Variants in ANKS1B observed in about 807,000 individuals in gnomAD.
The protein encoded by ANKS1B is ankyrin repeat and sterile alpha motif domain containing 1B, also known as ankyrin repeat and sterile alpha motif domain-containing protein 1B.
Under a neutral mutation model 148.3 loss-of-function variants are expected in ANKS1B, and 36 were observed. The observed-to-expected ratio is 0.24, with a 90% CI of 0.19 to 0.32. The LOEUF is 0.32. Among genes scored for constraint, ANKS1B ranks in the 10% least tolerant of loss-of-function variants. ANKS1B has a pLI of 1.00. For missense variants in ANKS1B, 1,157 were observed against 1,542.6 expected, an observed-to-expected ratio of 0.75 and a Z score of 4.19; for synonymous variants, 542 against 560.8, an observed-to-expected ratio of 0.97 and a Z score of 0.47.
chr12:99,065,919 G>A (rs993723563), intron 16 of ANKS1B, among the ~76,000 whole-genome samples: 1 of 152,166 alleles, frequency 6.6e-6, no homozygotes, highest in African/African-American at 2.4e-5. Flanking sequence ...GCAGTGGGGG[G>A]ATCGGAAGTA....
intron 1 of ANKS1B, among the ~76,000 whole-genome samples, chr12:99,921,716 T>A (rs2094357999): frequency 6.6e-6 from 1 of 152,122 alleles, no homozygotes; most frequent in East Asian, 1.9e-4. Flanking sequence ...CTGGAGAAGA[T>A]GACATAAACA....
downstream of ANKS1B, among the ~76,000 whole-genome samples, chr12:98,739,141 C>T (rs539261179): frequency 9.2e-5 from 14 of 152,332 alleles, no homozygotes; most frequent in East Asian, 1.2e-3. Context: ...TTCTGGTCCA[C>T]GGCCTTCTGT....
chr12:99,219,274 T>C (rs1009603150), intron 14 of ANKS1B, among the ~76,000 whole-genome samples: 1 of 152,198 alleles, frequency 6.6e-6, no homozygotes, highest in African/African-American at 2.4e-5. Context: ...CCCTTTGACA[T>C]GTAAATCTTC....
chr12:98,901,884 T>A (rs2099772615), intron 17 of ANKS1B, among the ~76,000 whole-genome samples: 3 of 152,146 alleles, frequency 2.0e-5, no homozygotes, highest in African/African-American at 7.2e-5. Context: ...AAGGCTTTTT[T>A]TTGCCATTAA....
At position 98,994,941 on chromosome 12, in the gene ANKS1B, TCA is replaced by T. The variant is rs1292232591; in HGVS notation, c.2778+58214_2778+58215del. 5.3e-3 allele frequency among the ~76,000 whole-genome samples: 806 copies of T among 152,270 alleles called. 1 individual carries two copies. The highest frequency in any genetic ancestry group is 7.4e-3 in the Non-Finnish European group (500 of 68,026). On this transcript the variant is annotated intron_variant, in intron 17 of 26. Transcript: ENST00000683438. Reference sequence around the variant, plus strand: ...TTTATGTATTGTTGGAGGATAAAATTCAACCATAACGCTTGTGTAAATTGTGA... The same window carrying T: ...TTTATGTATTGTTGGAGGATAAAATTACCATAACGCTTGTGTAAATTGTGA...
intron 10 of ANKS1B, among the ~76,000 whole-genome samples, chr12:99,481,886 T>C (rs1260480029): frequency 6.6e-6 from 1 of 151,974 alleles, no homozygotes; most frequent in African/African-American, 2.4e-5. Flanking sequence ...GGGTTTTTTG[T>C]TTTTTGTTTT....
intron 1 of ANKS1B, among the ~76,000 whole-genome samples, chr12:99,887,949 T>C (rs1019595332): frequency 1.3e-5 from 2 of 152,174 alleles, no homozygotes; most frequent in African/African-American, 4.8e-5. Flanking sequence ...GACACAAGTA[T>C]GACCTGTCTG....
At chr12:99,083,237 G>A (rs565241668) in intron 16 of ANKS1B, among the ~76,000 whole-genome samples, 1 of 152,304 alleles carries the variant, frequency 6.6e-6, no homozygotes, top group African/African-American at 2.4e-5. Flanking sequence ...TAGGGAGGGA[G>A]AAAGTATAGC....
intron 12 of ANKS1B, among the ~76,000 whole-genome samples, chr12:99,327,562 AT>A (rs2086722456): frequency 6.8e-6 from 1 of 146,800 alleles, no homozygotes; most frequent in Non-Finnish European, 1.5e-5. Flanking sequence ...TTGCTGATGT[AT>A]TTCTCAGGAC....
At chr12:99,593,343 C>G (rs2153260238) in intron 9 of ANKS1B, among the ~76,000 whole-genome samples, 1 of 152,140 alleles carries the variant, frequency 6.6e-6, no homozygotes, top group East Asian at 1.9e-4. Flanking sequence ...AGACCAAATA[C>G]AGATGACTGC....
intron 11 of ANKS1B, among the ~76,000 whole-genome samples, chr12:99,429,456 T>C (rs1456729903): frequency 6.6e-6 from 1 of 152,186 alleles, no homozygotes; most frequent in East Asian, 1.9e-4. Flanking sequence ...AAGAAAAGAC[T>C]GAAGAATTAT....
chr12:98,757,704 A>G (rs2098283882), intron 25 of ANKS1B, among the ~76,000 whole-genome samples: 1 of 152,192 alleles, frequency 6.6e-6, no homozygotes, highest in South Asian at 2.1e-4. Flanking sequence ...TTGGGCATAA[A>G]TTCAAACTCA....
chr12:99,830,846 A>C (rs1369944607), intron 1 of ANKS1B, among the ~76,000 whole-genome samples: 1 of 152,180 alleles, frequency 6.6e-6, no homozygotes, highest in East Asian at 1.9e-4. Flanking sequence ...CTCCTTAAAA[A>C]TATAAGTATG....
chr12:98,970,360 G>C (rs774360672), intron 17 of ANKS1B, among the ~76,000 whole-genome samples: 37 of 151,968 alleles, frequency 2.4e-4, no homozygotes, highest in Non-Finnish European at 5.3e-4. Flanking sequence ...AATTTACCTG[G>C]GCAATGGTAG....
intron 14 of ANKS1B, among the ~76,000 whole-genome samples, chr12:99,226,152 GAACT>G (rs1204590110): frequency 2.6e-5 from 4 of 152,152 alleles, no homozygotes; most frequent in South Asian, 4.1e-4. Context: ...TCCATTGAAA[GAACT>G]AACAATAGTA....
rs138652957 is a variant in ANKS1B, at chr12:99,035,392, A to C, written c.2778+17765T>G. 4.3e-3 allele frequency among the ~76,000 whole-genome samples: 656 copies of C among 152,298 alleles called. 6 individuals carry two copies. Among genetic ancestry groups the C allele is most frequent in the African/African-American group, 0.015 (626 of 41,572 alleles). On this transcript the variant is annotated intron_variant, in intron 17 of 26. Transcript: ENST00000683438. ...ATGCATGCTCAGGGGGGCCAAGAAG[A>C]ATCTAGACAGACAGGCCTTCCTGGC...
chr12:99,648,570 C>T (rs746794952), intron 9 of ANKS1B: 1 of 1,614,180 alleles, frequency 6.2e-7, no homozygotes, highest in South Asian at 1.1e-5. Context: ...CCATCCACAA[C>T]AGCGTAAAAA....
intron 17 of ANKS1B, among the ~76,000 whole-genome samples, chr12:98,948,768 C>A (rs2099849188): frequency 9.7e-6 from 1 of 103,560 alleles, no homozygotes; most frequent in East Asian, 2.8e-4. Flanking sequence ...CACACCCACA[C>A]CCCCCCCCAC....
chr12:99,683,171 T>C (rs1196503053), intron 8 of ANKS1B, among the ~76,000 whole-genome samples: 1 of 151,942 alleles, frequency 6.6e-6, no homozygotes, highest in Non-Finnish European at 1.5e-5. Flanking sequence ...CCACAACATG[T>C]GGAAATTATG....
Sources: gnomAD v4.1 joint callset for allele counts (sites outside exome capture counted in the v4.1 genomes callset) on GRCh38, gnomAD v4.1.1 for gene constraint, MANE v1.5 for transcripts, NCBI Gene and HGNC (gene_info 2026-07-23, HGNC 2026-07-21) for gene names.